The following CDK15 variants were observed in gnomAD, a reference collection of about 807,000 sequenced individuals.
CDK15 encodes cyclin dependent kinase 15.
CDK15 carries 62 observed loss-of-function variants against 60.3 expected under a neutral mutation model. The ratio of observed to expected loss-of-function variants is 1.03; its 90% CI spans 0.84 to 1.27. The LOEUF is 1.27. Ranked by LOEUF, CDK15 falls within the 50% of genes most tolerant of loss-of-function variation. The probability of loss-of-function intolerance (pLI) is 0.00; values close to 1 mark genes in which losing one functional copy is unlikely to be tolerated. For missense variants in CDK15, 541 were observed against 527.8 expected (o/e 1.03, Z -0.25); for synonymous variants, 194 against 195.7 (o/e 0.99, Z 0.07).
chr2:201,880,021 T>C lies in CDK15; in HGVS notation c.1059-7T>C, dbSNP rs1699217036. 6.2e-7 allele frequency: 1 copy of C among 1,613,550 alleles called. No individual in the cohort carries two copies. Among genetic ancestry groups the C allele is most frequent in the Non-Finnish European group, 8.5e-7 (1 of 1,179,746 alleles). On this transcript the variant is annotated splice_region_variant and splice_polypyrimidine_tract_variant and intron_variant, in intron 11 of 13. Coordinates refer to ENST00000652192, the MANE Select transcript of CDK15 (RefSeq NM_001366386.2). ...AGAAACTCTATTTTTCTCTCCCACT[T>C]TTCCAGGCTGGGCAGGGTTCCTGAA... is the stretch of plus-strand genomic sequence containing the variant.
At chr2:201,877,566 A>C (rs988667448) in intron 11 of CDK15, among the ~76,000 whole-genome samples, 1 of 152,192 alleles carries the variant, frequency 6.6e-6, no homozygotes, top group Non-Finnish European at 1.5e-5. Flanking sequence ...ATTTCCCCTG[A>C]GTCTCCTTCC....
intron 6 of CDK15, among the ~76,000 whole-genome samples, chr2:201,830,730 A>T (rs1696717947): frequency 6.6e-6 from 1 of 152,216 alleles, no homozygotes; most frequent in South Asian, 2.1e-4. Context: ...CGCTAAAAGA[A>T]GAGTAATGGA....
At position 201,890,855 on chromosome 2, in the gene CDK15, G is replaced by A; in HGVS notation, c.1269G>A (p.Gln423=). ...TGTGTGACCTTTTGGCCTCCTACCA[G>A]AAAGGTCACCACCCAGCCCAGTTTA... ...PEMCDLLASY[Q]KGHHPAQFSK... Residue 423 remains glutamine (Q), a synonymous_variant, in exon 13 of 14, where the codon CAG becomes CAA. Coordinates refer to ENST00000652192, the MANE Select transcript of CDK15 (RefSeq NM_001366386.2). The A allele has an allele frequency of 6.2e-7, 1 of 1,613,784 alleles. No homozygotes were observed. Among genetic ancestry groups the A allele is most frequent in the Non-Finnish European group, 8.5e-7 (1 of 1,179,840 alleles).
intron 12 of CDK15, among the ~76,000 whole-genome samples, chr2:201,888,137 A>G (rs998922447): frequency 6.6e-6 from 1 of 151,514 alleles, no homozygotes; most frequent in Non-Finnish European, 1.5e-5. Context: ...TAGCCCCTCA[A>G]TCCCATTAAG....
At chr2:201,810,525 T>C (rs1396471644) in intron 3 of CDK15, among the ~76,000 whole-genome samples, 6 of 152,104 alleles carry the variant, frequency 3.9e-5, no homozygotes, top group Non-Finnish European at 7.4e-5. Flanking sequence ...ACCCAAAGTA[T>C]AAAATAAATA....
chr2:201,828,422 T>A (rs538865409), intron 6 of CDK15, among the ~76,000 whole-genome samples: 7 of 151,576 alleles, frequency 4.6e-5, no homozygotes, highest in Non-Finnish European at 8.8e-5. Context: ...AAGCAGCTTG[T>A]AGGAATGTAG....
intron 8 of CDK15, among the ~76,000 whole-genome samples, chr2:201,836,776 A>T (rs543274255): frequency 2.7e-4 from 41 of 151,658 alleles, no homozygotes; most frequent in African/African-American, 9.5e-4. Flanking sequence ...CACATGTCCA[A>T]ACGTAGTTCA....
At chr2:201,879,262 A>G (rs1275408567) in intron 11 of CDK15, among the ~76,000 whole-genome samples, 1 of 152,232 alleles carries the variant, frequency 6.6e-6, no homozygotes, top group Non-Finnish European at 1.5e-5. Context: ...GAAATGCTGC[A>G]AACAAGTGTA....
chr2:201,881,043 C>T (rs749863121), intron 12 of CDK15, among the ~76,000 whole-genome samples: 4 of 152,074 alleles, frequency 2.6e-5, no homozygotes, highest in Non-Finnish European at 4.4e-5. Flanking sequence ...GGCCTAAGGG[C>T]TGGAACTGCG....
rs1214438916 is a variant in CDK15, at chr2:201,836,034, AT to A, written c.851+275del. On this transcript the variant is annotated intron_variant, in intron 8 of 13. Transcript: ENST00000652192. ...TTTATATTTTTATATATTTATATAT[AT>A]TTTATATATATTTATATATATATTA... Among the ~76,000 whole-genome samples, 369 of 118,696 alleles carry A rather than the reference AT, an allele frequency of 3.1e-3. 2 individuals are homozygous for A. The highest frequency in any genetic ancestry group is 9.9e-3 in the African/African-American group (299 of 30,098). 77.9% of individuals were successfully genotyped at this position (118,696 alleles called of 152,430 possible).
At chr2:201,875,253 G>A (rs1699032326) in intron 11 of CDK15, among the ~76,000 whole-genome samples, 1 of 152,058 alleles carries the variant, frequency 6.6e-6, no homozygotes, top group African/African-American at 2.4e-5. Flanking sequence ...TAAGCAATGG[G>A]GCCTGTGGCA....
chr2:201,888,685 T>G, intron 12 of CDK15: 43 of 1,298,350 alleles, frequency 3.3e-5, no homozygotes, highest in Admixed American at 3.8e-5. Flanking sequence ...ATTAACCGGT[T>G]GCCTTCCCAG....
chr2:201,867,988 G>C (rs1482401623), intron 10 of CDK15, among the ~76,000 whole-genome samples: 1 of 152,188 alleles, frequency 6.6e-6, no homozygotes, highest in Non-Finnish European at 1.5e-5. Context: ...TGGCAAAAAG[G>C]AGACTTGAGC....
At chr2:201,838,162 T>C (rs895522056) in intron 8 of CDK15, among the ~76,000 whole-genome samples, 1 of 151,988 alleles carries the variant, frequency 6.6e-6, no homozygotes, top group African/African-American at 2.4e-5. Flanking sequence ...ATAACATATA[T>C]GTAGATCAGT....
In CDK15 at chr2:201,890,904, G is replaced by A. The variant is rs761825946; in HGVS notation, c.*10G>A. 1.3e-5 allele frequency: 21 copies of A among 1,597,414 alleles called. No individual in the cohort carries two copies. Among genetic ancestry groups the A allele is most frequent in the Middle Eastern group, 1.7e-4 (1 of 6,014 alleles). Reference sequence around the variant, plus strand: ...TAGCAAATGCTGGTGAAAAGAAAGGGCGAGATCACCAAGGTTCTTCCAGGT... The same window carrying A: ...TAGCAAATGCTGGTGAAAAGAAAGGACGAGATCACCAAGGTTCTTCCAGGT... On this transcript the variant is annotated 3_prime_UTR_variant, in exon 13 of 14. Transcript: ENST00000652192.
In CDK15 at chr2:201,832,429, C is replaced by T. The variant is rs184172339; in HGVS notation, c.607-1419C>T. ...AGCTGGTTGTTTGTATTACCTTTTC[C>T]ATGGACATTTATATTTATAACCAAT... On this transcript the variant is annotated intron_variant, in intron 6 of 13. Transcript: ENST00000652192. Among the ~76,000 whole-genome samples the T allele has an allele frequency of 1.1e-3, 167 of 152,244 alleles. 1 individual carries two copies. The highest frequency in any genetic ancestry group is 3.8e-3 in the African/African-American group (156 of 41,544).
At chr2:201,806,892 C>T in intron 1 of CDK15, 105 bp downstream of exon 1, 1 of 1,266,244 alleles carries the variant, frequency 7.9e-7, no homozygotes, top group Non-Finnish European at 1.0e-6. Context: ...AGGTCTAAAC[C>T]AATAAAATGA....
At chr2:201,892,732 TAGAG>T (rs1358761627) in intron 13 of CDK15, among the ~76,000 whole-genome samples, 9 of 152,342 alleles carry the variant, frequency 5.9e-5, no homozygotes, top group Admixed American at 4.6e-4. Context: ...GTGCTAGAGT[TAGAG>T]AGACTAAAAG....
chr2:201,823,824 A>G, intron 6 of CDK15, 97 bp downstream of exon 6: 1 of 992,664 alleles, frequency 1.0e-6, no homozygotes, highest in Non-Finnish European at 1.6e-6. Context: ...ATGATACTAA[A>G]TAAGAGGATG....
Sources: allele counts gnomAD v4.1 joint callset (sites outside exome capture counted in the v4.1 genomes callset), GRCh38; gene constraint gnomAD v4.1.1; transcripts MANE v1.5; gene names NCBI Gene and HGNC (gene_info 2026-07-23, HGNC 2026-07-21).